Variants in DOCK2 observed in about 807,000 individuals in gnomAD.
DOCK2 encodes the protein dedicator of cytokinesis protein 2.
DOCK2 carries 87 observed loss-of-function variants against 248.9 expected under a neutral mutation model. The observed-to-expected ratio is 0.35, with a 90% CI of 0.29 to 0.42. The LOEUF (loss-of-function observed/expected upper bound fraction) is 0.42, where lower values mean the gene tolerates loss of function less well. Among genes scored for constraint, DOCK2 ranks in the 10% least tolerant of loss-of-function variants. The probability of loss-of-function intolerance (pLI) is 1.00; values close to 1 mark genes in which losing one functional copy is unlikely to be tolerated. For synonymous variants in DOCK2, 805 were observed against 821.6 expected (o/e 0.98, Z 0.35); for missense variants, 1,747 against 2,300.2 (o/e 0.76, Z 4.92).
intron 30 of DOCK2, among the ~76,000 whole-genome samples, chr5:169,997,151 A>G (rs1036105178): frequency 6.7e-6 from 1 of 149,854 alleles, no homozygotes; most frequent in Non-Finnish European, 1.5e-5. Flanking sequence ...AGGTCTTTGC[A>G]TCATAGACAA....
At chr5:169,915,944 C>A (rs150395543) in intron 27 of DOCK2, among the ~76,000 whole-genome samples, 8 of 152,080 alleles carry the variant, frequency 5.3e-5, no homozygotes, top group African/African-American at 1.7e-4. Flanking sequence ...TCTTAAGAAA[C>A]GTTATGCTGA....
chr5:169,637,918 C>T (rs1756926466), intron 1 of DOCK2, among the ~76,000 whole-genome samples: 1 of 152,104 alleles, frequency 6.6e-6, no homozygotes, highest in African/African-American at 2.4e-5. Flanking sequence ...CTCAGCCCCC[C>T]AGAGCCTCTG....
intron 22 of DOCK2, among the ~76,000 whole-genome samples, chr5:169,722,915 T>G (rs1322039973): frequency 6.6e-6 from 1 of 152,214 alleles, no homozygotes; most frequent in African/African-American, 2.4e-5. Context: ...CTGTGCTTTT[T>G]GAGGACCACA....
chr5:169,705,959 G>A (rs1018638474), intron 14 of DOCK2, among the ~76,000 whole-genome samples: 8 of 152,248 alleles, frequency 5.3e-5, no homozygotes, highest in African/African-American at 1.9e-4. Flanking sequence ...TGGGGGCCAT[G>A]GGGATAGGCA....
At chr5:169,990,191 C>T (rs556408270) in intron 29 of DOCK2, among the ~76,000 whole-genome samples, 1 of 152,226 alleles carries the variant, frequency 6.6e-6, no homozygotes, top group African/African-American at 2.4e-5. Context: ...CTCCACCTCC[C>T]AGATTCCGGT....
chr5:169,896,164 G>A lies in DOCK2; in HGVS notation c.2799+55312G>A, dbSNP rs575609262. Reference sequence around the variant, plus strand: ...GCAGATGGTGAAAGAGCCAGAAACCGTTGCTCCTGGGGTCGGGGGGCGGGG... The same window carrying A: ...GCAGATGGTGAAAGAGCCAGAAACCATTGCTCCTGGGGTCGGGGGGCGGGG... On this transcript the variant is annotated intron_variant, in intron 27 of 51. Transcript: ENST00000520908. 2.9e-4 allele frequency among the ~76,000 whole-genome samples: 44 copies of A among 151,752 alleles called. 1 individual carries two copies. Among genetic ancestry groups the A allele is most frequent in the Admixed American group, 1.8e-3 (28 of 15,250 alleles).
chr5:169,916,429 C>T (rs922140498), intron 27 of DOCK2, among the ~76,000 whole-genome samples: 8 of 152,146 alleles, frequency 5.3e-5, no homozygotes, highest in African/African-American at 1.7e-4. Context: ...GAAACCTTGC[C>T]ATGGGGACAA....
intron 30 of DOCK2, among the ~76,000 whole-genome samples, chr5:169,998,365 G>A (rs1488445972): frequency 2.0e-5 from 3 of 152,236 alleles, no homozygotes; most frequent in Admixed American, 6.5e-5. Context: ...CAGCCTATGA[G>A]TAGATGAGTA....
intron 23 of DOCK2, among the ~76,000 whole-genome samples, chr5:169,758,364 A>G (rs145654001): frequency 1.3e-5 from 2 of 152,310 alleles, no homozygotes; most frequent in East Asian, 3.9e-4. Flanking sequence ...TCTGGGGAGG[A>G]GAGATTGGGA....
intron 12 of DOCK2, 42 bp from the exon 13 acceptor site, chr5:169,699,972 C>T (rs760727769): frequency 1.9e-6 from 3 of 1,610,716 alleles, no homozygotes; most frequent in South Asian, 2.2e-5. Context: ...TGAGGGGTCA[C>T]TTGCAAAAGT....
chr5:169,897,890 C>T (rs1425761246), intron 27 of DOCK2, among the ~76,000 whole-genome samples: 1 of 152,198 alleles, frequency 6.6e-6, no homozygotes, highest in East Asian at 1.9e-4. Context: ...GCTTTCCTCC[C>T]TTGAACGCAG....
At chr5:170,078,556 C>G (rs1757920415) in intron 48 of DOCK2, among the ~76,000 whole-genome samples, 1 of 152,190 alleles carries the variant, frequency 6.6e-6, no homozygotes, top group Admixed American at 6.5e-5. Flanking sequence ...CTCATGGCCA[C>G]TCTGCAAGGT....
At chr5:169,979,754 T>C (rs184624142) in intron 27 of DOCK2, among the ~76,000 whole-genome samples, 82 of 152,326 alleles carry the variant, frequency 5.4e-4, no homozygotes, top group Non-Finnish European at 9.4e-4. Context: ...ACCGGGTTTT[T>C]CTACGTGGTA....
intron 25 of DOCK2, among the ~76,000 whole-genome samples, chr5:169,791,694 G>A (rs1273066080): frequency 2.0e-5 from 3 of 152,212 alleles, no homozygotes; most frequent in African/African-American, 4.8e-5. Context: ...CTGGGGCCTT[G>A]CCTCTGTTGG....
intron 22 of DOCK2, among the ~76,000 whole-genome samples, chr5:169,731,316 GGGGT>G (rs1323909255): frequency 1.3e-5 from 2 of 152,148 alleles, no homozygotes; most frequent in Non-Finnish European, 2.9e-5. Flanking sequence ...TTGAATTACA[GGGGT>G]GGGTCTTTTC....
intron 27 of DOCK2, among the ~76,000 whole-genome samples, chr5:169,933,987 G>C (rs1775875705): frequency 1.3e-5 from 2 of 152,144 alleles, no homozygotes; most frequent in African/African-American, 4.8e-5. Context: ...AGCAGGACCG[G>C]CATCTATTGC....
chr5:169,734,977 T>G (rs380949), intron 22 of DOCK2, among the ~76,000 whole-genome samples: 48,777 of 152,050 alleles, frequency 0.32, 11,632 homozygotes, highest in African/African-American at 0.66. Context: ...GTCCTCGGTG[T>G]ATTCCTTACT....
chr5:169,808,246 G>A (rs912332917), intron 26 of DOCK2, among the ~76,000 whole-genome samples: 4 of 152,178 alleles, frequency 2.6e-5, no homozygotes, highest in African/African-American at 7.2e-5. Context: ...ATTGCCCAGG[G>A]TAGAACCACG....
intron 34 of DOCK2, among the ~76,000 whole-genome samples, chr5:170,032,732 G>GT (rs1183940646): frequency 6.6e-6 from 1 of 152,200 alleles, no homozygotes; most frequent in Non-Finnish European, 1.5e-5. Flanking sequence ...TTCTCCCAGA[G>GT]TGAAGATGGA....
Sources: gnomAD v4.1 joint callset for allele counts (sites outside exome capture counted in the v4.1 genomes callset) on GRCh38, gnomAD v4.1.1 for gene constraint, MANE v1.5 for transcripts, NCBI Gene and HGNC (gene_info 2026-07-23, HGNC 2026-07-21) for gene names.